The following DCP1A variants were observed in gnomAD, a reference collection of about 807,000 sequenced individuals.
DCP1A encodes the protein decapping mRNA 1A.
Under a neutral mutation model 58.0 loss-of-function variants are expected in DCP1A, and 20 were observed. The ratio of observed to expected loss-of-function variants is 0.34; its 90% CI spans 0.24 to 0.50. The LOEUF is 0.50. Among genes scored for constraint, DCP1A ranks in the 20% least tolerant of loss-of-function variants. DCP1A has a pLI of 0.98. For synonymous variants in DCP1A, 285 were observed against 275.1 expected (o/e 1.04, Z -0.36); for missense variants, 613 against 712.2 (o/e 0.86, Z 1.59).
intron 1 of DCP1A, among the ~76,000 whole-genome samples, chr3:53,346,094 C>G (rs2089288209): frequency 6.6e-6 from 1 of 152,130 alleles, no homozygotes; most frequent in Non-Finnish European, 1.5e-5. Flanking sequence ...TAGGAAAACT[C>G]TAGCCCCAAG....
At position 53,294,722 on chromosome 3, in the gene DCP1A, A is replaced by G. The variant is rs1553686604; in HGVS notation, c.625-1895T>C. Among the ~76,000 whole-genome samples the G allele has an allele frequency of 2.6e-5, 4 of 151,968 alleles. 1 individual carries two copies. Among genetic ancestry groups the G allele is most frequent in the African/African-American group, 9.7e-5 (4 of 41,380 alleles). On this transcript the variant is annotated intron_variant, in intron 6 of 9. Transcript: ENST00000610213. Reference sequence around the variant, plus strand: ...TCCTTTCCAGCTGTGTGGCCTGAGGAGTGCTGTCCACTTCTCTGAGTCTCA... The same window carrying G: ...TCCTTTCCAGCTGTGTGGCCTGAGGGGTGCTGTCCACTTCTCTGAGTCTCA...
intron 4 of DCP1A, among the ~76,000 whole-genome samples, chr3:53,317,148 C>T (rs987638669): frequency 6.6e-6 from 1 of 152,020 alleles, no homozygotes; most frequent in African/African-American, 2.4e-5. Flanking sequence ...AACCCTGTGC[C>T]TTTTTGTTGT....
At chr3:53,305,915 T>G (rs931409232) in intron 5 of DCP1A, among the ~76,000 whole-genome samples, 1 of 152,126 alleles carries the variant, frequency 6.6e-6, no homozygotes, top group African/African-American at 2.4e-5. Context: ...CCTCAAAAAA[T>G]GATCAGACCA....
chr3:53,298,958 A>G (rs1453058644), intron 6 of DCP1A, among the ~76,000 whole-genome samples: 1 of 152,242 alleles, frequency 6.6e-6, no homozygotes, highest in Non-Finnish European at 1.5e-5. Flanking sequence ...ACAGGTCTGT[A>G]GCCTAGAAGC....
chr3:53,314,241 G>A (rs1482789088), intron 4 of DCP1A, among the ~76,000 whole-genome samples: 4 of 152,190 alleles, frequency 2.6e-5, no homozygotes, highest in African/African-American at 9.6e-5. Flanking sequence ...TCCAAGAAGG[G>A]CAGGCCTATA....
At chr3:53,344,457 T>G (rs186468189) in intron 2 of DCP1A, among the ~76,000 whole-genome samples, 65 of 152,274 alleles carry the variant, frequency 4.3e-4, no homozygotes, top group African/African-American at 1.5e-3. Flanking sequence ...ATCCAGAACT[T>G]CTGTGGGTTG....
intron 2 of DCP1A, among the ~76,000 whole-genome samples, chr3:53,343,704 T>C (rs1004169861): frequency 6.6e-6 from 1 of 152,222 alleles, no homozygotes; most frequent in Non-Finnish European, 1.5e-5. Context: ...CTCCGCCTCC[T>C]GGGTTCACGA....
At chr3:53,326,099 A>G (rs900068912) in intron 3 of DCP1A, among the ~76,000 whole-genome samples, 1 of 152,208 alleles carries the variant, frequency 6.6e-6, no homozygotes, top group Non-Finnish European at 1.5e-5. Flanking sequence ...GCTACTCTTC[A>G]AGGTCTTCAG....
At chr3:53,334,736 A>G (rs2089080305) in intron 3 of DCP1A, among the ~76,000 whole-genome samples, 1 of 152,208 alleles carries the variant, frequency 6.6e-6, no homozygotes, top group Non-Finnish European at 1.5e-5. Context: ...AAGAAAGAGA[A>G]AAACCAGTTG....
chr3:53,293,525 G>A (rs782015005), intron 6 of DCP1A, among the ~76,000 whole-genome samples: 1 of 152,120 alleles, frequency 6.6e-6, no homozygotes, highest in East Asian at 1.9e-4. Context: ...GGGCCCACGC[G>A]ATGCAGCAAG....
intron 1 of DCP1A, among the ~76,000 whole-genome samples, chr3:53,347,064 C>T (rs1392571783): frequency 6.6e-6 from 1 of 152,190 alleles, no homozygotes. Flanking sequence ...CCCCACCGGT[C>T]TTATAACTCC....
At chr3:53,311,834 T>C (rs1474175150) in intron 5 of DCP1A, among the ~76,000 whole-genome samples, 3 of 152,104 alleles carry the variant, frequency 2.0e-5, no homozygotes, top group Admixed American at 6.5e-5. Flanking sequence ...TCTTCTCCCA[T>C]AGTAATCTTA....
In DCP1A at chr3:53,309,233, T is replaced by C. The variant is rs556543071; in HGVS notation, c.510+3008A>G. 1.3e-4 allele frequency among the ~76,000 whole-genome samples: 20 copies of C among 151,980 alleles called. No individual in the cohort carries two copies. The South Asian group carries it at 3.3e-3, about 25-fold the overall frequency. On this transcript the variant is annotated intron_variant, in intron 5 of 9. Transcript: ENST00000610213. The stretch of plus-strand genomic sequence containing the variant: ...AAAAATACAAAAAATTAGCCGGTCA[T>C]AGTGGTGCATGCCTGTAGTCCCAGC...
At position 53,290,749 on chromosome 3, in the gene DCP1A, TAAAAAAAAAAAAA is replaced by T. The variant is rs61290855; in HGVS notation, c.1449+29_1449+41del. On this transcript the variant is annotated intron_variant, in intron 8 of 9. Coordinates refer to ENST00000610213, the MANE Select transcript of DCP1A (RefSeq NM_018403.7). The stretch of plus-strand genomic sequence containing the variant: ...TCTCACTATGGCACCCGACTAGTCT[TAAAAAAAAAAAAA>T]AAAAAAAAAAAAAAAAGCGAGTCCT... 27 of 682,850 alleles carry T rather than the reference TAAAAAAAAAAAAA, an allele frequency of 4.0e-5. No homozygotes were observed. The East Asian group carries it at 4.3e-4, about 11-fold the overall frequency. The allele number at this position is 682,850 out of a possible 1,614,324, so 42.3% of individuals were successfully genotyped here.
At chr3:53,330,620 A>T (rs183028290) in intron 3 of DCP1A, among the ~76,000 whole-genome samples, 1 of 152,150 alleles carries the variant, frequency 6.6e-6, no homozygotes, top group East Asian at 1.9e-4. Flanking sequence ...ATAATTTTCT[A>T]AGAAAATATA....
At chr3:53,330,420 T>C (rs2088966587) in intron 3 of DCP1A, among the ~76,000 whole-genome samples, 1 of 151,700 alleles carries the variant, frequency 6.6e-6, no homozygotes, top group Admixed American at 6.6e-5. Flanking sequence ...ATTTAGCTGG[T>C]GTAGTAGCTC....
Position 53,319,432 on chromosome 3 carries a change from G to A in DCP1A, c.346C>T (p.His116Tyr). ...TCAGCCATGAGTTTTGCTATGCGGT[G>A]ACAGTCATTCTTGTCATAAAACCAG... is the stretch of plus-strand genomic sequence containing the variant. ...SIWFYDKNDC[H>Y]RIAKLMADVV... The change falls in exon 4 of 10, where the codon CAC becomes TAC. Residue 116 changes from histidine to tyrosine, a missense_variant. His to Tyr is a moderately conservative substitution (Grantham distance 83). Around this residue, in one of 3 missense-constraint regions of DCP1A, gnomAD observed 65 missense variants for 118.5 expected, o/e 0.55. Transcript: ENST00000610213. 6.4e-7 allele frequency: 1 copy of A among 1,561,892 alleles called. No homozygotes were observed. The highest frequency in any genetic ancestry group is 8.7e-7 in the Non-Finnish European group (1 of 1,150,666).
chr3:53,336,327 G>C (rs1377335251), intron 3 of DCP1A, among the ~76,000 whole-genome samples: 1 of 152,096 alleles, frequency 6.6e-6, no homozygotes, highest in Non-Finnish European at 1.5e-5. Flanking sequence ...GGCTGGTCTC[G>C]AACTCTTGAC....
In DCP1A at chr3:53,305,281, C is replaced by T. The variant is rs925565479; in HGVS notation, c.511-991G>A. Among the ~76,000 whole-genome samples, 8 of 151,970 alleles carry T rather than the reference C, an allele frequency of 5.3e-5. No homozygotes were observed. In the South Asian group the frequency reaches 6.2e-4, roughly 12 times the overall value. ...CACAGAAGCACATCTGTGTTGTTTC[C>T]GTTTTTTGGTAATTATGAATACAAC... On this transcript the variant is annotated intron_variant, in intron 5 of 9. Transcript: ENST00000610213.
Sources: allele counts gnomAD v4.1 joint callset (sites outside exome capture counted in the v4.1 genomes callset), GRCh38; gene constraint gnomAD v4.1.1; regional missense constraint gnomAD v4.1.1; transcripts MANE v1.5; gene names NCBI Gene and HGNC (gene_info 2026-07-23, HGNC 2026-07-21).